Variants in SORCS1 observed in about 807,000 individuals in gnomAD.
The protein encoded by SORCS1 is sortilin related VPS10 domain containing receptor 1, also known as VPS10 domain-containing receptor SorCS1.
In SORCS1, 60 loss-of-function variants were observed where a neutral mutation model predicts 146.1. That is an observed-to-expected ratio of 0.41 (90% CI 0.33 to 0.51). The LOEUF (loss-of-function observed/expected upper bound fraction) is 0.51, where lower values mean the gene tolerates loss of function less well. SORCS1 is among the 20% of genes least tolerant of loss of function. The pLI, the probability that SORCS1 is intolerant of heterozygous loss-of-function variation, is 0.21. For missense variants in SORCS1, 1,352 were observed against 1,487.6 expected (o/e 0.91, Z 1.50); for synonymous variants, 637 against 584.0 (o/e 1.09, Z -1.31).
At chr10:107,157,210 A>C (rs1464538496) in intron 1 of SORCS1, among the ~76,000 whole-genome samples, 2 of 152,150 alleles carry the variant, frequency 1.3e-5, no homozygotes, top group Non-Finnish European at 2.9e-5. Context: ...GACAAACTAC[A>C]AGGCTAGGGA....
intron 8 of SORCS1, among the ~76,000 whole-genome samples, chr10:106,705,831 G>C (rs1321050167): frequency 6.6e-6 from 1 of 152,216 alleles, no homozygotes; most frequent in Non-Finnish European, 1.5e-5. Context: ...GTCAACAGTT[G>C]AGGGTCTTTA....
intron 8 of SORCS1, among the ~76,000 whole-genome samples, chr10:106,701,205 T>C (rs1854116474): frequency 6.6e-6 from 1 of 152,238 alleles, no homozygotes. Flanking sequence ...ATTTTCAATC[T>C]GATGCAGAAC....
chr10:106,861,338 T>G (rs1047332321), intron 2 of SORCS1, among the ~76,000 whole-genome samples: 2 of 150,666 alleles, frequency 1.3e-5, no homozygotes, highest in African/African-American at 4.9e-5. Context: ...AGGCAGAAGT[T>G]TCAGTGAGCC....
chr10:106,644,368 A>T lies in SORCS1; in HGVS notation c.2475+8014T>A, dbSNP rs76152053. Among the ~76,000 whole-genome samples, 900 of 151,536 alleles carry T rather than the reference A, an allele frequency of 5.9e-3. 10 individuals carry two copies. Among genetic ancestry groups the T allele is most frequent in the East Asian group, 0.024 (123 of 5,138 alleles). On this transcript the variant is annotated intron_variant, in intron 18 of 25. Coordinates refer to ENST00000263054, the MANE Select transcript of SORCS1 (RefSeq NM_052918.5). ...TTCTATTACCATGAATAATAATAAT[A>T]ATTATTATTATTATTGAGACGGAGT...
chr10:106,855,449 T>C lies in SORCS1; in HGVS notation c.627-25776A>G, dbSNP rs142313016. The stretch of plus-strand genomic sequence containing the variant: ...GGTTTGGTACATTATTTTGCAGAAA[T>C]TCTCAGTTATCATTGCTTCATACAT... On this transcript the variant is annotated intron_variant, in intron 2 of 25. Transcript: ENST00000263054. Among the ~76,000 whole-genome samples the C allele has an allele frequency of 1.7e-3, 258 of 152,318 alleles. 2 individuals are homozygous for C. Among genetic ancestry groups the C allele is most frequent in the African/African-American group, 5.8e-3 (242 of 41,568 alleles).
Position 107,118,229 on chromosome 10 carries a change from A to C in SORCS1, c.558+45740T>G, listed in dbSNP as rs572767005. ...CATGTGAGGACACAGCCATCTCTGAACCAGGATGTGGGCTCTCGTCAGACA... is the reference window on the plus strand; with the variant it reads ...CATGTGAGGACACAGCCATCTCTGACCCAGGATGTGGGCTCTCGTCAGACA... On this transcript the variant is annotated intron_variant, in intron 1 of 25. Coordinates refer to ENST00000263054, the MANE Select transcript of SORCS1 (RefSeq NM_052918.5). Among the ~76,000 whole-genome samples, 3 of 152,138 alleles carry C rather than the reference A, an allele frequency of 2.0e-5. No homozygotes were observed. In the East Asian group the frequency reaches 5.8e-4, roughly 29 times the overall value.
chr10:106,585,149 G>A (rs758709523), intron 24 of SORCS1, among the ~76,000 whole-genome samples: 12 of 151,780 alleles, frequency 7.9e-5, no homozygotes, highest in African/African-American at 2.4e-4. Flanking sequence ...GCATGAACCC[G>A]GGAGGTGGAG....
upstream of SORCS1, among the ~76,000 whole-genome samples, chr10:107,166,017 C>G (rs1970041057): frequency 1.3e-5 from 2 of 152,128 alleles, no homozygotes; most frequent in South Asian, 4.1e-4. Context: ...AAATCCAATC[C>G]TTTTTAAAGT....
chr10:106,793,781 A>G (rs548544881), intron 3 of SORCS1, among the ~76,000 whole-genome samples: 2 of 152,358 alleles, frequency 1.3e-5, no homozygotes, highest in South Asian at 2.1e-4. Flanking sequence ...GGCAATTCTG[A>G]AAATACTTTT....
At chr10:107,120,940 G>T (rs1187882059) in intron 1 of SORCS1, among the ~76,000 whole-genome samples, 2 of 152,132 alleles carry the variant, frequency 1.3e-5, no homozygotes, top group Non-Finnish European at 2.9e-5. Flanking sequence ...AGAGGGAGAT[G>T]GGAATAGGAT....
At chr10:107,117,402 T>C (rs1335824636) in intron 1 of SORCS1, among the ~76,000 whole-genome samples, 2 of 152,170 alleles carry the variant, frequency 1.3e-5, no homozygotes, top group African/African-American at 4.8e-5. Flanking sequence ...TTTCTCAGGT[T>C]CAAAACAGGG....
chr10:107,038,853 G>T (rs930863386), intron 1 of SORCS1, among the ~76,000 whole-genome samples: 3 of 152,074 alleles, frequency 2.0e-5, no homozygotes, highest in African/African-American at 7.2e-5. Context: ...TTCAACCAAA[G>T]TTTATGGCAT....
chr10:106,671,273 G>C lies in SORCS1; in HGVS notation c.2153C>G (p.Ser718Cys), dbSNP rs1374761389. 3.7e-6 allele frequency: 6 copies of C among 1,614,018 alleles called. No homozygotes were observed. In the South Asian group the frequency reaches 6.6e-5, roughly 18 times the overall value. ...MQGKYAGAME[S>C]EPCVCTEADF... ...AGCCTCAGTGCAGACACAGGGTTCA[G>C]ATTCCATAGCTCCTGCATATTTTCC... The change falls in exon 16 of 26, where the codon TCT becomes TGT. Residue 718 changes from serine (S) to cysteine (C), a missense_variant. Transcript: ENST00000263054.
intron 1 of SORCS1, among the ~76,000 whole-genome samples, chr10:107,079,980 T>C (rs536522789): frequency 4.2e-4 from 64 of 152,354 alleles, no homozygotes; most frequent in African/African-American, 1.1e-3. Flanking sequence ...AATTGTAACA[T>C]AATTATGCTC....
chr10:106,816,432 T>A (rs979046355), intron 3 of SORCS1, among the ~76,000 whole-genome samples: 2 of 152,206 alleles, frequency 1.3e-5, no homozygotes, highest in Non-Finnish European at 2.9e-5. Context: ...CAGTGCCTGA[T>A]GTCCCACATG....
At chr10:106,833,917 C>A (rs927766518) in intron 2 of SORCS1, among the ~76,000 whole-genome samples, 1 of 152,174 alleles carries the variant, frequency 6.6e-6, no homozygotes, top group Admixed American at 6.5e-5. Context: ...CCTCAGCATC[C>A]CGAGTAGCTG....
chr10:107,017,053 G>A (rs1328331140), intron 1 of SORCS1, among the ~76,000 whole-genome samples: 1 of 152,204 alleles, frequency 6.6e-6, no homozygotes, highest in Non-Finnish European at 1.5e-5. Context: ...CTCCTACATG[G>A]CTGATGGAAC....
rs577620910 is a variant in SORCS1, at chr10:107,043,692, C to G, written c.559-87112G>C. On this transcript the variant is annotated intron_variant, in intron 1 of 25. Coordinates refer to ENST00000263054, the MANE Select transcript of SORCS1 (RefSeq NM_052918.5). ...CTCCCTGCCACAATCTGGCCCTGTC[C>G]TATCCCTTCAGCCTCAAGTTTCACC... 4.6e-5 allele frequency among the ~76,000 whole-genome samples: 7 copies of G among 152,210 alleles called. No homozygotes were observed. In the South Asian group the frequency reaches 1.2e-3, roughly 27 times the overall value.
At chr10:106,925,817 G>C (rs1952985985) in intron 2 of SORCS1, among the ~76,000 whole-genome samples, 1 of 152,170 alleles carries the variant, frequency 6.6e-6, no homozygotes, top group African/African-American at 2.4e-5. Flanking sequence ...CCAACGGAGG[G>C]TCCATTCCAT....
Sources: allele counts gnomAD v4.1 joint callset (sites outside exome capture counted in the v4.1 genomes callset), GRCh38; gene constraint gnomAD v4.1.1; transcripts MANE v1.5; gene names NCBI Gene and HGNC (gene_info 2026-07-23, HGNC 2026-07-21).